Variants in NOS3 observed in about 807,000 individuals in gnomAD.
NOS3 encodes NOS type III.
A neutral mutation model predicts 144.9 loss-of-function variants in NOS3; 98 were observed. The ratio of observed to expected loss-of-function variants is 0.68; its 90% CI spans 0.57 to 0.80. The LOEUF (loss-of-function observed/expected upper bound fraction) is 0.80. NOS3 is among the 30% of genes least tolerant of loss of function. The probability of loss-of-function intolerance (pLI) is 0.00; values close to 1 mark genes in which losing one functional copy is unlikely to be tolerated. For synonymous variants in NOS3, 714 were observed against 702.4 expected, an observed-to-expected ratio of 1.02 and a Z score of -0.26; for missense variants, 1,465 against 1,656.4, an observed-to-expected ratio of 0.88 and a Z score of 2.01.
At chr7:151,001,669 C>T (rs1265565600) in intron 12 of NOS3, 52 bp downstream of exon 12, 3 of 1,580,654 alleles carry the variant, frequency 1.9e-6, no homozygotes, top group Non-Finnish European at 2.6e-6. Context: ...GGGCCCCACT[C>T]TCCCCCACAC....
chr7:151,014,251 C>T lies in NOS3; in HGVS notation c.*82C>T, dbSNP rs529527080. On this transcript the variant is annotated 3_prime_UTR_variant, in exon 27 of 27. Coordinates refer to ENST00000297494, the MANE Select transcript of NOS3 (RefSeq NM_000603.5). Reference sequence around the variant, plus strand: ...CCCGACCAGGATCAGCCCCGCTCCTCCCCTCTTGAGGTGGTGCCTTCTCAC... The same window carrying T: ...CCCGACCAGGATCAGCCCCGCTCCTTCCCTCTTGAGGTGGTGCCTTCTCAC... 11 of 1,389,486 alleles carry T rather than the reference C, an allele frequency of 7.9e-6. No homozygotes were observed. The South Asian group carries it at 9.3e-5, about 12-fold the overall frequency. 86.1% of individuals were successfully genotyped at this position (1,389,486 alleles called of 1,614,324 possible).
chr7:151,008,771 T>C lies in NOS3; in HGVS notation c.2113-159T>C, dbSNP rs1475384865. 3.8e-6 allele frequency: 3 copies of C among 789,754 alleles called. No individual in the cohort carries two copies. The East Asian group carries it at 8.7e-5, about 23-fold the overall frequency. 48.9% of individuals were successfully genotyped at this position (789,754 alleles called of 1,614,324 possible). A position where few individuals can be genotyped will look rare whatever the true frequency, so the allele number is the denominator to read the frequency against. ...GTCCCTGGGCCCAGCGGCCAATCCA[T>C]GAAATGGGCTGGCGGAAAAGGTGCT... On this transcript the variant is annotated intron_variant, in intron 17 of 26. Transcript: ENST00000297494.
In NOS3 at chr7:151,009,462, G is replaced by C; in HGVS notation, c.2389G>C (p.Asp797His). Residue 797 changes from aspartate to histidine, a missense_variant, in exon 20 of 27, where the codon GAC (aspartate) becomes CAC (histidine). Physicochemically the swap from Asp to His is moderately conservative, Grantham distance 81. Around this residue, in one of 5 missense-constraint regions of NOS3, gnomAD observed 745 missense variants for 853.9 expected, o/e 0.87. Coordinates refer to ENST00000297494, the MANE Select transcript of NOS3 (RefSeq NM_000603.5). ...GQEGLQYQPG[D>H]HIGVCPPNRP... ...GGAGGGGCTGCAGTACCAGCCGGGGGACCACATAGGTGTCTGCCCGCCCAA... is the reference window on the plus strand; with the variant it reads ...GGAGGGGCTGCAGTACCAGCCGGGGCACCACATAGGTGTCTGCCCGCCCAA... 1 of 1,549,142 alleles carries C rather than the reference G, an allele frequency of 6.5e-7. No individual in the cohort carries two copies. The highest frequency in any genetic ancestry group is 8.7e-7 in the Non-Finnish European group (1 of 1,146,788).
In NOS3 at chr7:150,998,582, G is replaced by A. The variant is rs757138786; in HGVS notation, c.718G>A (p.Asp240Asn). Residue 240 changes from aspartate (D) to asparagine (N), a missense_variant, in exon 7 of 27, where the codon GAC becomes AAC. Physicochemically the swap from Asp to Asn is conservative, Grantham distance 23. Transcript: ENST00000297494. The surrounding 1 kb of genome is among the most constrained non-coding windows in gnomAD (Gnocchi z 5.0). The part of the protein sequence containing the change: ...VFPQRCPGRG[D>N]FRIWNSQLVR... ...CCCGCAGCGCTGCCCTGGCCGAGGA[G>A]ACTTCCGAATCTGGAACAGCCAGCT... The A allele has an allele frequency of 3.7e-6, 6 of 1,608,980 alleles. No individual in the cohort carries two copies. The highest frequency in any genetic ancestry group is 1.7e-6 in the Non-Finnish European group (2 of 1,178,718).
In NOS3 at chr7:151,014,466, CCT is replaced by C. The variant is rs1180117313; in HGVS notation, c.*303_*304del. On this transcript the variant is annotated 3_prime_UTR_variant, in exon 27 of 27. Coordinates refer to ENST00000297494, the MANE Select transcript of NOS3 (RefSeq NM_000603.5). ...TTAGTCGAATGTTAGATTCCTCTTG[CCT>C]CTCTCAGGAGTATCTTACCTGTAAA... The C allele has an allele frequency of 2.3e-5, 10 of 432,212 alleles. No individual in the cohort carries two copies. The highest frequency in any genetic ancestry group is 4.0e-5 in the African/African-American group (2 of 50,076). 26.8% of individuals were successfully genotyped at this position (432,212 alleles called of 1,614,324 possible).
chr7:151,009,411 C>T lies in NOS3; in HGVS notation c.2338C>T (p.Leu780=). ...QSSKSTRATI[L]VRLDTGGQEG... is the part of the protein sequence containing the mutation. ...CCCCACCCCCAGGAGGGCCACCATC[C>T]TGGTGCGCCTGGACACCGGAGGCCA... Residue 780 remains leucine, a synonymous_variant, in exon 20 of 27, where the codon CTG becomes TTG. Coordinates refer to ENST00000297494, the MANE Select transcript of NOS3 (RefSeq NM_000603.5). 1.3e-6 allele frequency: 2 copies of T among 1,540,234 alleles called. No individual in the cohort carries two copies. The highest frequency in any genetic ancestry group is 1.8e-6 in the Non-Finnish European group (2 of 1,140,692).
Position 150,993,649 on chromosome 7 carries a change from C to T in NOS3, c.-51-104C>T. 2 of 720,978 alleles carry T rather than the reference C, an allele frequency of 2.8e-6. No individual in the cohort carries two copies. The highest frequency in any genetic ancestry group is 3.6e-4 in the Middle Eastern group (1 of 2,742). 44.7% of individuals were successfully genotyped at this position (720,978 alleles called of 1,614,324 possible). ...GAGGCTTTAGAGCCTCCCAGCCGGG[C>T]TTGTTCCTGTCCCATTGTGTATGGG... is the stretch of plus-strand genomic sequence containing the variant. On this transcript the variant is annotated intron_variant, in intron 1 of 26. Transcript: ENST00000297494. This position sits in a 1 kb window ranked among gnomAD's most constrained non-coding sequence, Gnocchi z 4.0.
In NOS3 at chr7:151,002,185, T is replaced by C. The variant is rs1287710773; in HGVS notation, c.1648-15T>C. ...GGGGCCACAGCACCCAGGACATCTG[T>C]CTTCCCACCCACAGGTCCTGTGTAT... On this transcript the variant is annotated splice_polypyrimidine_tract_variant and intron_variant, in intron 13 of 26. Transcript: ENST00000297494. This position sits in a 1 kb window ranked among gnomAD's most constrained non-coding sequence, Gnocchi z 4.1. 1 of 1,560,792 alleles carries C rather than the reference T, an allele frequency of 6.4e-7. No individual in the cohort carries two copies. Among genetic ancestry groups the C allele is most frequent in the Non-Finnish European group, 8.7e-7 (1 of 1,143,420 alleles).
At position 151,009,214 on chromosome 7, in the gene NOS3, G is replaced by T. The variant is rs773409991; in HGVS notation, c.2271G>T (p.Lys757Asn). The stretch of plus-strand genomic sequence containing the variant: ...GTCTGATCCACGTGCACAGGCGGAA[G>T]ATGTTCCAGGCTACAATCCGCTCAG... ...LPGLIHVHRR[K>N]MFQATIRSVE... Residue 757 changes from lysine (K) to asparagine (N), a missense_variant, in exon 19 of 27, where the codon AAG (lysine) becomes AAT (asparagine). Lys to Asn is a moderately conservative substitution (Grantham distance 94). This residue lies in a region of NOS3 where 745 missense variants were observed against 853.9 expected (regional missense o/e 0.87). Transcript: ENST00000297494. 8 of 1,613,848 alleles carry T rather than the reference G, an allele frequency of 5.0e-6. No individual in the cohort carries two copies. The Admixed American group carries it at 1.3e-4, about 27-fold the overall frequency.
At chr7:151,011,423 T>C (rs577133163) in intron 23 of NOS3, among the ~76,000 whole-genome samples, 390 of 151,094 alleles carry the variant, frequency 2.6e-3, no homozygotes, top group Non-Finnish European at 4.5e-3. Context: ...GGTTTTTTTT[T>C]CCCCCAGAGA....
At position 151,007,170 on chromosome 7, in the gene NOS3, C is replaced by T. The variant is rs1454526769; in HGVS notation, c.2006C>T (p.Thr669Ile). Residue 669 changes from threonine (T) to isoleucine (I), a missense_variant, in exon 17 of 27, where the codon ACA (threonine) becomes ATA (isoleucine). Transcript: ENST00000297494. ...TGCGCCTTTGCTCGTGCCGTGGACA[C>T]ACGGCTGGAGGAACTGGGCGGGGAG... is the stretch of plus-strand genomic sequence containing the variant. Reference protein sequence around the residue: ...HFCAFARAVDTRLEELGGERL... With the variant: ...HFCAFARAVDIRLEELGGERL... 6.2e-7 allele frequency: 1 copy of T among 1,613,790 alleles called. No individual in the cohort carries two copies. Among genetic ancestry groups the T allele is most frequent in the South Asian group, 1.1e-5 (1 of 91,082 alleles).
chr7:151,014,512 G>T lies in NOS3; in HGVS notation c.*343G>T. On this transcript the variant is annotated 3_prime_UTR_variant, in exon 27 of 27. Coordinates refer to ENST00000297494, the MANE Select transcript of NOS3 (RefSeq NM_000603.5). Reference sequence around the variant, plus strand: ...CTGTAAAGTCTAATCTCTAAATCAAGTATTTATTATTGAAGATTTACCATA... The same window carrying T: ...CTGTAAAGTCTAATCTCTAAATCAATTATTTATTATTGAAGATTTACCATA... 3.7e-6 allele frequency: 1 copy of T among 269,784 alleles called. No homozygotes were observed. 16.7% of individuals were successfully genotyped at this position (269,784 alleles called of 1,614,324 possible). A position where few individuals can be genotyped will look rare whatever the true frequency, so the allele number is the denominator to read the frequency against.
rs529222172 is a variant in NOS3, at chr7:150,993,633, G to C, written c.-51-120G>C. The C allele has an allele frequency of 3.6e-5, 23 of 644,122 alleles. No homozygotes were observed. Among genetic ancestry groups the C allele is most frequent in the Non-Finnish European group, 5.9e-5 (23 of 389,372 alleles). 39.9% of individuals were successfully genotyped at this position (644,122 alleles called of 1,614,324 possible). ...CAGCGGGCGTGGAGCTGAGGCTTTA[G>C]AGCCTCCCAGCCGGGCTTGTTCCTG... On this transcript the variant is annotated intron_variant, in intron 1 of 26. Transcript: ENST00000297494. This position sits in a 1 kb window ranked among gnomAD's most constrained non-coding sequence, Gnocchi z 4.0.
In NOS3 at chr7:151,010,211, G is replaced by C. The variant is rs200630478; in HGVS notation, c.2609G>C (p.Ser870Thr). Residue 870 changes from serine to threonine, a missense_variant, in exon 21 of 27, where the codon AGC becomes ACC. Ser to Thr is a moderately conservative substitution (Grantham distance 58, BLOSUM62 1). Coordinates refer to ENST00000297494, the MANE Select transcript of NOS3 (RefSeq NM_000603.5). ...TTCCTGGACATCACCTCCCCACCCAGCCCTCAGCTCTTGCGGCTGCTCAGC... is the reference window on the plus strand; with the variant it reads ...TTCCTGGACATCACCTCCCCACCCACCCCTCAGCTCTTGCGGCTGCTCAGC... Reference protein sequence around the residue: ...TFFLDITSPPSPQLLRLLSTL... With the variant: ...TFFLDITSPPTPQLLRLLSTL... The C allele has an allele frequency of 1.2e-6, 2 of 1,612,690 alleles. No individual in the cohort carries two copies. The highest frequency in any genetic ancestry group is 1.7e-6 in the Non-Finnish European group (2 of 1,179,960).
rs1802287321 is a variant in NOS3 at position 150,993,012 on chromosome 7, T to C, written c.-51-741T>C. Among the ~76,000 whole-genome samples the C allele has an allele frequency of 1.3e-5, 2 of 152,156 alleles. No homozygotes were observed. Among genetic ancestry groups the C allele is most frequent in the African/African-American group, 4.8e-5 (2 of 41,436 alleles). On this transcript the variant is annotated intron_variant, in intron 1 of 26. Coordinates refer to ENST00000297494, the MANE Select transcript of NOS3 (RefSeq NM_000603.5). The surrounding 1 kb of genome is among the most constrained non-coding windows in gnomAD (Gnocchi z 4.0). ...TGGCCGGCTGACCCTGCCTCAGCCC[T>C]AGTCTCTCTGCTGACCTGCGGCCCC...
chr7:151,001,263 C>T lies in NOS3; in HGVS notation c.1266C>T (p.Ala422=), dbSNP rs534664057. The T allele has an allele frequency of 3.9e-5, 63 of 1,613,742 alleles. 2 individuals are homozygous for T. In the South Asian group the frequency reaches 4.2e-4, roughly 11 times the overall value. The change falls in exon 11 of 27, where the codon GCC becomes GCT. Residue 422 remains alanine, a synonymous_variant. Transcript: ENST00000297494. ...AAGTCACCATCGTGGACCACCACGC[C>T]GCCACGGCCTCTTTCATGAAGCACC... ...LAKVTIVDHH[A]ATASFMKHLE...
chr7:151,008,894 C>CG lies in NOS3; in HGVS notation c.2113-33dup, dbSNP rs3918197. 1.9e-3 allele frequency: 3,045 copies of CG among 1,572,194 alleles called. 48 individuals carry two copies. In the African/African-American group the frequency reaches 0.037, roughly 19 times the overall value. Reference sequence around the variant, plus strand: ...GCCTCACTAGGGCGACCCCTGGTGGCGGGAGGTCCTCAGCCCTCACCGGCC... The same window carrying CG: ...GCCTCACTAGGGCGACCCCTGGTGGCGGGGAGGTCCTCAGCCCTCACCGGCC... On this transcript the variant is annotated intron_variant, in intron 17 of 26. Transcript: ENST00000297494.
chr7:150,998,662 C>G lies in NOS3; in HGVS notation c.798C>G (p.Ala266=), dbSNP rs1406400704. The G allele has an allele frequency of 6.2e-7, 1 of 1,607,844 alleles. No homozygotes were observed. Among genetic ancestry groups the G allele is most frequent in the Non-Finnish European group, 8.5e-7 (1 of 1,178,472 alleles). ...QQDGSVRGDP[A]NVEITELCIQ... ...ATGGCTCTGTGCGGGGGGACCCAGC[C>G]AACGTGGAGATCACCGAGGTGGGCA... The change falls in exon 7 of 27, where the codon GCC becomes GCG. Residue 266 remains alanine, a synonymous_variant. Transcript: ENST00000297494. The surrounding 1 kb of genome is among the most constrained non-coding windows in gnomAD (Gnocchi z 5.0).
In NOS3 at chr7:150,995,300, G is replaced by T. The variant is rs1417289111; in HGVS notation, c.256G>T (p.Ala86Ser). Residue 86 changes from alanine to serine, a missense_variant, in exon 3 of 27, where the codon GCC (alanine) becomes TCC (serine). By Grantham distance (99) the Ala-to-Ser change is moderately conservative (BLOSUM62 1). Around this residue, in one of 5 missense-constraint regions of NOS3, gnomAD observed 374 missense variants for 377.0 expected, o/e 0.99. Transcript: ENST00000297494. ...GAGCATCACCTATGACACCCTCAGC[G>T]CCCAGGCGCAGCAGGTAAGGCCGGC... is the stretch of plus-strand genomic sequence containing the variant. ...VGSITYDTLSAQAQQDGPCTP... is the reference protein window; with the variant it reads ...VGSITYDTLSSQAQQDGPCTP... The T allele has an allele frequency of 2.5e-6, 4 of 1,610,172 alleles. No individual in the cohort carries two copies. The highest frequency in any genetic ancestry group is 3.4e-6 in the Non-Finnish European group (4 of 1,178,140).
Sources: allele counts gnomAD v4.1 joint callset (sites outside exome capture counted in the v4.1 genomes callset), GRCh38; gene constraint gnomAD v4.1.1; regional missense constraint gnomAD v4.1.1; non-coding constraint Gnocchi (gnomAD v3.1); transcripts MANE v1.5; gene names NCBI Gene and HGNC (gene_info 2026-07-23, HGNC 2026-07-21).